C3: variants seen among roughly 807,000 people sequenced by gnomAD.
The protein encoded by C3 is complement C3.
Under a neutral mutation model 207.9 loss-of-function variants are expected in C3, and 97 were observed. That is an observed-to-expected ratio of 0.47 (90% confidence interval 0.40 to 0.55). The LOEUF is 0.55. Ranked by LOEUF, C3 falls within the 20% of genes least tolerant of loss-of-function variation. The pLI is 0.00. For missense variants in C3, 1,684 were observed against 2,171.7 expected (o/e 0.78, Z 4.46); for synonymous variants, 848 against 857.6 (o/e 0.99, Z 0.20).
rs1163340467 is a variant in C3, at chr19:6,693,038, G to A, written c.3276C>T (p.Leu1092=). Residue 1092 remains leucine, a synonymous_variant, in exon 26 of 41, where the codon CTC becomes CTT. Coordinates refer to ENST00000245907, the MANE Select transcript of C3 (RefSeq NM_000064.4). Reference sequence around the variant, plus strand: ...AGAGGACTTGGGAGTCGATGGCGATGAGGTTGACAGCCAGAGAGAAGACCT... The same window carrying A: ...AGAGGACTTGGGAGTCGATGGCGATAAGGTTGACAGCCAGAGAGAAGACCT... ...VVKVFSLAVN[L]IAIDSQVLCG... is the part of the protein sequence containing the mutation. The A allele has an allele frequency of 1.2e-5, 19 of 1,614,068 alleles. No individual in the cohort carries two copies. Among genetic ancestry groups the A allele is most frequent in the Non-Finnish European group, 1.5e-5 (18 of 1,180,028 alleles).
At chr19:6,694,255 T>G (rs1377614495) in intron 24 of C3, among the ~76,000 whole-genome samples, 176 bp downstream of exon 24, 1 of 146,220 alleles carries the variant, frequency 6.8e-6, no homozygotes, top group Non-Finnish European at 1.5e-5. Context: ...CTGGGAGGAG[T>G]CAGGGCCTCA....
intron 4 of C3, 137 bp downstream of exon 4, chr19:6,717,957 G>T: frequency 2.4e-6 from 2 of 816,518 alleles, no homozygotes; most frequent in Non-Finnish European, 4.3e-6. Context: ...TTGTGTGGGT[G>T]TGTGTCTGCA....
At chr19:6,687,846 GT>G (rs1918048278) in intron 27 of C3, among the ~76,000 whole-genome samples, 1 of 150,260 alleles carries the variant, frequency 6.7e-6, no homozygotes, top group East Asian at 1.9e-4. Flanking sequence ...GGTTGGTTGG[GT>G]TTTTTGTTGT....
rs1439357401 is a variant in C3 at position 6,686,740 on chromosome 19, C to T, written c.3646+6G>A. 4 of 1,613,378 alleles carry T rather than the reference C, an allele frequency of 2.5e-6. No individual in the cohort carries two copies. The highest frequency in any genetic ancestry group is 2.5e-6 in the Non-Finnish European group (3 of 1,180,010). ...TCTCCCTTCACCCCTCCAGGCCAAC[C>T]CTCACCTTTGGCTGTGGTCAGAAAT... On this transcript the variant is annotated splice_donor_region_variant and intron_variant, in intron 28 of 40. Coordinates refer to ENST00000245907, the MANE Select transcript of C3 (RefSeq NM_000064.4).
intron 26 of C3, among the ~76,000 whole-genome samples, chr19:6,691,964 G>A (rs553182936): frequency 6.6e-6 from 1 of 151,038 alleles, no homozygotes; most frequent in African/African-American, 2.4e-5. Flanking sequence ...TCCAGCCTGG[G>A]TGACAAGAGC....
chr19:6,678,084 C>CA (rs1917760304), intron 40 of C3, 61 bp from the exon 41 acceptor site: 1 of 1,613,722 alleles, frequency 6.2e-7, no homozygotes, highest in East Asian at 2.2e-5. Context: ...AGGGGCGTGA[C>CA]AATGGTGTGG....
At position 6,707,180 on chromosome 19, in the gene C3, A is replaced by G; in HGVS notation, c.2141T>C (p.Ile714Thr). 1 of 1,613,606 alleles carries G rather than the reference A, an allele frequency of 6.2e-7. No homozygotes were observed. The highest frequency in any genetic ancestry group is 8.5e-7 in the Non-Finnish European group (1 of 1,179,876). ...CTTCTTGCACGCCTCGCCCAGGGAG[A>G]TGAAACGGGTCCGGCGCTGGCACGA... Reference protein sequence around the residue: ...RFSCQRRTRFISLGEACKKVF... With the variant: ...RFSCQRRTRFTSLGEACKKVF... Residue 714 changes from isoleucine (I) to threonine (T), a missense_variant, in exon 17 of 41, where the codon ATC (isoleucine) becomes ACC (threonine). Around this residue, in one of 3 missense-constraint regions of C3, gnomAD observed 1,280 missense variants for 1,739.1 expected, o/e 0.74. Coordinates refer to ENST00000245907, the MANE Select transcript of C3 (RefSeq NM_000064.4).
chr19:6,718,749 A>T (rs1030578550), intron 2 of C3, among the ~76,000 whole-genome samples: 27 of 141,464 alleles, frequency 1.9e-4, no homozygotes, highest in African/African-American at 6.5e-4. Flanking sequence ...GGAGACTAAG[A>T]GGGGAGGAGT....
In C3 at chr19:6,719,211, C is replaced by A; in HGVS notation, c.267G>T (p.Thr89=). Residue 89 remains threonine (T), a splice_region_variant and synonymous_variant, in exon 2 of 41, where the codon ACG becomes ACT. Coordinates refer to ENST00000245907, the MANE Select transcript of C3 (RefSeq NM_000064.4). The surrounding 1 kb of genome is among the most constrained non-coding windows in gnomAD (Gnocchi z 5.4). ...GGGTCCTGCGCCAGTCTGCACTCACCGTGAAGGTGACGTTGCCCATGTGGT... is the reference window on the plus strand; with the variant it reads ...GGGTCCTGCGCCAGTCTGCACTCACAGTGAAGGTGACGTTGCCCATGTGGT... ...ATNHMGNVTF[T]IPANREFKSE... The A allele has an allele frequency of 6.2e-7, 1 of 1,613,748 alleles. No homozygotes were observed. Among genetic ancestry groups the A allele is most frequent in the Non-Finnish European group, 8.5e-7 (1 of 1,179,812 alleles).
At chr19:6,694,352 T>G in intron 24 of C3, 79 bp downstream of exon 24, 99 of 1,310,654 alleles carry the variant, frequency 7.6e-5, no homozygotes, top group Non-Finnish European at 9.7e-5. Context: ...GGCGTGGTCT[T>G]GAGATGAGGT....
chr19:6,696,010 C>T (rs974225972), intron 23 of C3, among the ~76,000 whole-genome samples: 3 of 151,300 alleles, frequency 2.0e-5, no homozygotes, highest in Non-Finnish European at 2.9e-5. Context: ...GAGATCGAGA[C>T]CATCCTGGCT....
chr19:6,711,903 A>T (rs1451256057), intron 11 of C3, among the ~76,000 whole-genome samples: 2 of 152,202 alleles, frequency 1.3e-5, no homozygotes, highest in Non-Finnish European at 2.9e-5. Context: ...CTGTGCGTGG[A>T]TGGAGCGCCT....
At position 6,685,084 on chromosome 19, in the gene C3, T is replaced by C; in HGVS notation, c.3873A>G (p.Glu1291=). The C allele has an allele frequency of 6.2e-7, 1 of 1,614,068 alleles. No individual in the cohort carries two copies. Residue 1291 remains glutamate, a synonymous_variant, in exon 30 of 41, where the codon GAA becomes GAG. Coordinates refer to ENST00000245907, the MANE Select transcript of C3 (RefSeq NM_000064.4). ...GTTGGAGGGACACATCAAGGTTCAG[T>C]TCCTGGTGGTCAGGGGCGTCCTTTT... ...QYQKDAPDHQ[E]LNLDVSLQLP...
At position 6,693,496 on chromosome 19, in the gene C3, AAG is replaced by A. The variant is rs1309520305; in HGVS notation, c.3155-11_3155-10del. 10 of 1,609,906 alleles carry A rather than the reference AAG, an allele frequency of 6.2e-6. No individual in the cohort carries two copies. The highest frequency in any genetic ancestry group is 8.5e-7 in the Non-Finnish European group (1 of 1,178,628). ...CAGCTGCTGGGTGTACCCTGCAGAG[AAG>A]AGAGAGGAACCCCCAAAAGAGCCGG... On this transcript the variant is annotated splice_polypyrimidine_tract_variant and intron_variant, in intron 24 of 40. Transcript: ENST00000245907.
chr19:6,698,584 C>T (rs190216201), intron 19 of C3, among the ~76,000 whole-genome samples: 240 of 151,962 alleles, frequency 1.6e-3, no homozygotes, highest in Non-Finnish European at 2.9e-3. Context: ...TGGCTCATGC[C>T]TGTAATCACA....
chr19:6,712,668 G>T, intron 9 of C3, 45 bp from the exon 10 acceptor site: 1 of 1,494,644 alleles, frequency 6.7e-7, no homozygotes, highest in Non-Finnish European at 9.3e-7. Context: ...CCACCCCTCA[G>T]GATTAGACCT....
At chr19:6,705,102 A>G (rs11569441) in intron 17 of C3, among the ~76,000 whole-genome samples, 6,507 of 152,176 alleles carry the variant, frequency 0.043, 461 homozygotes, top group African/African-American at 0.15. Flanking sequence ...TAATCAATCC[A>G]AGTGTCTTGG....
intron 1 of C3, 38 bp downstream of exon 1, chr19:6,720,478 A>G (rs1242430433): frequency 6.7e-7 from 1 of 1,484,074 alleles, no homozygotes; most frequent in African/African-American, 1.4e-5. Flanking sequence ...TCCACCCCAG[A>G]ACCAGCCCTG....
In C3 at chr19:6,714,004, G is replaced by T; in HGVS notation, c.761C>A (p.Thr254Asn). 6.2e-7 allele frequency: 1 copy of T among 1,606,772 alleles called. No individual in the cohort carries two copies. The highest frequency in any genetic ancestry group is 8.5e-7 in the Non-Finnish European group (1 of 1,177,184). The change falls in exon 7 of 41, where the codon ACC becomes AAC. Residue 254 changes from threonine (T) to asparagine (N), a missense_variant. This residue lies in a region of C3 where 1,280 missense variants were observed against 1,739.1 expected (regional missense o/e 0.74). Coordinates refer to ENST00000245907, the MANE Select transcript of C3 (RefSeq NM_000064.4). ...YIYNEKGLEV[T>N]ITARFLYGKK... ...CCCAGTCCCTCACCTGGCGGTGATG[G>T]TGACCTCCAGGCCCTTCTCGTTATA...
Sources: allele counts gnomAD v4.1 joint callset (sites outside exome capture counted in the v4.1 genomes callset), GRCh38; gene constraint gnomAD v4.1.1; regional missense constraint gnomAD v4.1.1; non-coding constraint Gnocchi (gnomAD v3.1); transcripts MANE v1.5; gene names NCBI Gene and HGNC (gene_info 2026-07-23, HGNC 2026-07-21).